The following WDR12 variants were observed in gnomAD, a reference collection of about 807,000 sequenced individuals.
WDR12 encodes WD repeat domain 12, also known as ribosome biogenesis protein WDR12.
In WDR12, 42 loss-of-function variants were observed where a neutral mutation model predicts 64.3. The observed-to-expected ratio is 0.65, with a 90% CI of 0.51 to 0.84. The LOEUF is 0.84. Ranked by LOEUF, WDR12 falls within the 40% of genes least tolerant of loss-of-function variation. The pLI is 0.00. For missense variants in WDR12, 469 were observed against 494.6 expected (o/e 0.95, Z 0.49); for synonymous variants, 158 against 173.3 (o/e 0.91, Z 0.70).
In WDR12 at chr2:202,883,702, C is replaced by A; in HGVS notation, c.1028G>T (p.Gly343Val). 6.2e-7 allele frequency: 1 copy of A among 1,613,868 alleles called. No individual in the cohort carries two copies. Among genetic ancestry groups the A allele is most frequent in the Non-Finnish European group, 8.5e-7 (1 of 1,179,856 alleles). ...AGACCATTTTACTGATGTCACCCAACCAGTATGTGACGTTAGGGACAGCGA... is the reference window on the plus strand; with the variant it reads ...AGACCATTTTACTGATGTCACCCAAACAGTATGTGACGTTAGGGACAGCGA... ...LVSLSLTSHT[G>V]WVTSVKWSPT... The change falls in exon 11 of 13, where the codon GGT (glycine) becomes GTT (valine). Residue 343 changes from glycine to valine, a missense_variant. Physicochemically the swap from Gly to Val is moderately radical, Grantham distance 109 (BLOSUM62 -3). Coordinates refer to ENST00000261015, the MANE Select transcript of WDR12 (RefSeq NM_018256.4).
chr2:202,890,719 C>A (rs956263916), intron 8 of WDR12, among the ~76,000 whole-genome samples: 1 of 151,120 alleles, frequency 6.6e-6, no homozygotes, highest in African/African-American at 2.4e-5. Context: ...TGCAGTGAGC[C>A]GAGATCACGC....
intron 1 of WDR12, 118 bp from the exon 2 acceptor site, chr2:202,908,077 T>C: frequency 1.1e-6 from 1 of 933,580 alleles, no homozygotes; most frequent in Non-Finnish European, 1.7e-6. Flanking sequence ...GACATTTTGC[T>C]ACATGTTGTA....
intron 2 of WDR12, among the ~76,000 whole-genome samples, chr2:202,905,839 TAC>T (rs1377143424): frequency 6.6e-6 from 1 of 152,170 alleles, no homozygotes; most frequent in Non-Finnish European, 1.5e-5. Flanking sequence ...CTCATGGAGA[TAC>T]AGAGTAGAAG....
intron 12 of WDR12, among the ~76,000 whole-genome samples, chr2:202,882,384 A>C (rs1687965241): frequency 6.6e-6 from 1 of 151,982 alleles, no homozygotes; most frequent in African/African-American, 2.4e-5. Context: ...GCTGGAGTGC[A>C]GTGGCTCGAT....
intron 2 of WDR12, among the ~76,000 whole-genome samples, chr2:202,907,175 C>T (rs1688473587): frequency 6.6e-6 from 1 of 152,116 alleles, no homozygotes; most frequent in Non-Finnish European, 1.5e-5. Flanking sequence ...TCTCAAACTC[C>T]TGACCTCGTG....
At chr2:202,905,172 G>C (rs1688431060) in intron 2 of WDR12, among the ~76,000 whole-genome samples, 1 of 152,176 alleles carries the variant, frequency 6.6e-6, no homozygotes. Flanking sequence ...CCAAGACGGA[G>C]TCCTGCTCTG....
Position 202,907,908 on chromosome 2 carries a change from G to A in WDR12, c.93C>T (p.Ala31=), listed in dbSNP as rs574002592. The change falls in exon 2 of 13, where the codon GCC becomes GCT. Residue 31 remains alanine, a synonymous_variant. Coordinates refer to ENST00000261015, the MANE Select transcript of WDR12 (RefSeq NM_018256.4). ...PFSIPAASEI[A]DLSNIINKLL... ...GTTTATTGATGATGTTACTAAGGTC[G>A]GCAATTTCAGAGGCAGCAGGGATTG... 31 of 1,613,904 alleles carry A rather than the reference G, an allele frequency of 1.9e-5. No individual in the cohort carries two copies. Among genetic ancestry groups the A allele is most frequent in the Admixed American group, 8.3e-5 (5 of 59,998 alleles).
rs1688236188 is a variant in WDR12, at chr2:202,896,064, C to CT, written c.609dup (p.Phe204IlefsTer8). 1.2e-6 allele frequency: 2 copies of CT among 1,609,634 alleles called. No homozygotes were observed. Among genetic ancestry groups the CT allele is most frequent in the Non-Finnish European group, 1.7e-6 (2 of 1,178,932 alleles). On this transcript the variant is annotated frameshift_variant and splice_region_variant. Coordinates refer to ENST00000261015, the MANE Select transcript of WDR12 (RefSeq NM_018256.4). LOFTEE classifies it high-confidence loss of function. ...GTACTAATAATATTCTAGCTACTTA[C>CT]TTTAGTTCCTGAGCCATCAACAGCT...
intron 8 of WDR12, among the ~76,000 whole-genome samples, 181 bp from the exon 9 acceptor site, chr2:202,884,716 T>C (rs6738618): frequency 0.089 from 13,559 of 152,300 alleles, 746 homozygotes; most frequent in Non-Finnish European, 0.12. Flanking sequence ...TACAAGACAC[T>C]GAGGCTGATA....
chr2:202,892,734 A>T, intron 7 of WDR12, 32 bp from the exon 8 acceptor site: 1 of 1,511,008 alleles, frequency 6.6e-7, no homozygotes, highest in Non-Finnish European at 9.2e-7. Context: ...TTGACATTTT[A>T]AAAACAGTAT....
intron 8 of WDR12, among the ~76,000 whole-genome samples, chr2:202,885,173 G>A (rs1010064452): frequency 3.9e-5 from 6 of 152,182 alleles, no homozygotes; most frequent in South Asian, 2.1e-4. Context: ...TGTACTGCAA[G>A]TGAGGCATAT....
chr2:202,904,160 A>AG (rs1688410500), intron 2 of WDR12, among the ~76,000 whole-genome samples: 1 of 149,302 alleles, frequency 6.7e-6, no homozygotes, highest in African/African-American at 2.4e-5. Flanking sequence ...AAAAAAAAAA[A>AG]AAAAGAAAAG....
At chr2:202,882,201 T>G (rs1291029059) in intron 12 of WDR12, among the ~76,000 whole-genome samples, 1 of 152,138 alleles carries the variant, frequency 6.6e-6, no homozygotes, top group Non-Finnish European at 1.5e-5. Flanking sequence ...AGTGGTAGGA[T>G]TACAGGCATA....
In WDR12 at chr2:202,884,413, G is replaced by A; in HGVS notation, c.864C>T (p.Gly288=). The change falls in exon 9 of 13, where the codon GGC becomes GGT. Residue 288 remains glycine, a synonymous_variant. Coordinates refer to ENST00000261015, the MANE Select transcript of WDR12 (RefSeq NM_018256.4). ...HTIRVWDVES[G]SLKSTLTGNK... ...GTCTTACCAAAGTTGACTTAAGACT[G>A]CCAGACTCAACATCCCACACTCTAA... 1 of 1,614,100 alleles carries A rather than the reference G, an allele frequency of 6.2e-7. No homozygotes were observed. Among genetic ancestry groups the A allele is most frequent in the East Asian group, 2.2e-5 (1 of 44,876 alleles).
intron 8 of WDR12, among the ~76,000 whole-genome samples, chr2:202,888,315 G>T (rs1429276849): frequency 6.6e-6 from 1 of 152,188 alleles, no homozygotes; most frequent in Non-Finnish European, 1.5e-5. Context: ...GAGGAAAGTT[G>T]ACAAGAAGGG....
chr2:202,891,166 G>A (rs1688150515), intron 8 of WDR12, among the ~76,000 whole-genome samples: 1 of 152,018 alleles, frequency 6.6e-6, no homozygotes, highest in Admixed American at 6.6e-5. Flanking sequence ...GGCATTTCTA[G>A]CTTTATTTTT....
At chr2:202,902,655 C>CT (rs1688369385) in intron 2 of WDR12, among the ~76,000 whole-genome samples, 1 of 150,646 alleles carries the variant, frequency 6.6e-6, no homozygotes, top group African/African-American at 2.4e-5. Flanking sequence ...GCCAGGGATT[C>CT]TCAGGTGTTT....
At chr2:202,889,454 T>C (rs1688107970) in intron 8 of WDR12, among the ~76,000 whole-genome samples, 1 of 152,056 alleles carries the variant, frequency 6.6e-6, no homozygotes, top group Non-Finnish European at 1.5e-5. Flanking sequence ...GCCCAGGAGT[T>C]TGAGACAGCT....
intron 1 of WDR12, among the ~76,000 whole-genome samples, chr2:202,910,880 T>C (rs1688593610): frequency 6.6e-6 from 1 of 152,162 alleles, no homozygotes. Context: ...ACTGAAAAAT[T>C]TGACATTTTT....
Sources: gnomAD v4.1 joint callset for allele counts (sites outside exome capture counted in the v4.1 genomes callset) on GRCh38, gnomAD v4.1.1 for gene constraint, MANE v1.5 for transcripts, NCBI Gene and HGNC (gene_info 2026-07-23, HGNC 2026-07-21) for gene names.